The following MIB1 variants were observed in gnomAD, a reference collection of about 807,000 sequenced individuals.
The protein encoded by MIB1 is MIB E3 ubiquitin protein ligase 1, also known as E3 ubiquitin-protein ligase MIB1.
Under a neutral mutation model 124.5 loss-of-function variants are expected in MIB1, and 278 were observed. The observed-to-expected ratio is 2.23, with a 90% confidence interval of 2.02 to 2.47. The LOEUF (loss-of-function observed/expected upper bound fraction) is 2.47, where lower values mean the gene tolerates loss of function less well. Ranked by LOEUF, MIB1 falls within the 30% of genes most tolerant of loss-of-function variation. The pLI, the probability that MIB1 is intolerant of heterozygous loss-of-function variation, is 0.00. For missense variants in MIB1, 957 were observed against 1,254.4 expected (o/e 0.76, Z 3.58); for synonymous variants, 446 against 429.4 (o/e 1.04, Z -0.48).
chr18:21,713,151 T>C (rs991592648), intron 1 of MIB1, among the ~76,000 whole-genome samples: 2 of 152,052 alleles, frequency 1.3e-5, no homozygotes, highest in African/African-American at 4.8e-5. Flanking sequence ...TTTGTTTTCA[T>C]AGAGACAGGG....
chr18:21,841,963 C>T (rs935556898), intron 13 of MIB1, among the ~76,000 whole-genome samples: 2 of 151,572 alleles, frequency 1.3e-5, no homozygotes, highest in Non-Finnish European at 2.9e-5. Flanking sequence ...GAGAAATAGA[C>T]ATGATAAAGA....
chr18:21,775,490 C>T (rs1343717909), intron 4 of MIB1, among the ~76,000 whole-genome samples: 1 of 152,204 alleles, frequency 6.6e-6, no homozygotes, highest in South Asian at 2.1e-4. Context: ...CGATCCCCCA[C>T]CTTGGCCTTC....
intron 1 of MIB1, among the ~76,000 whole-genome samples, chr18:21,719,203 A>AG (rs1398229810): frequency 6.6e-6 from 1 of 151,736 alleles, no homozygotes; most frequent in Non-Finnish European, 1.5e-5. Context: ...AAAAAAAAAA[A>AG]ATTTAGCCAG....
chr18:21,788,673 A>C (rs908339946), intron 6 of MIB1, among the ~76,000 whole-genome samples: 1 of 152,206 alleles, frequency 6.6e-6, no homozygotes, highest in African/African-American at 2.4e-5. Flanking sequence ...AGAAGATGTG[A>C]AACTAACTTT....
intron 1 of MIB1, among the ~76,000 whole-genome samples, chr18:21,715,206 C>T (rs1598578301): frequency 6.6e-6 from 1 of 152,280 alleles, no homozygotes; most frequent in East Asian, 1.9e-4. Context: ...CAGACAACCC[C>T]AGTACCAACT....
rs370649297 is a variant in MIB1 at position 21,815,666 on chromosome 18, C to T, written c.1530C>T (p.Gly510=). The T allele has an allele frequency of 3.0e-5, 49 of 1,614,006 alleles. No individual in the cohort carries two copies. In the East Asian group the frequency reaches 4.0e-4, roughly 13 times the overall value. The change falls in exon 11 of 21, where the codon GGC becomes GGT. Residue 510 remains glycine (G), a synonymous_variant. Transcript: ENST00000261537. ...AVHHAAFGDE[G]AVIEVLHRGS... is the part of the protein sequence containing the mutation. ...ACCATGCAGCTTTTGGAGATGAAGG[C>T]GCTGTTATAGAAGTACTACATCGAG...
chr18:21,725,785 G>GGGAA (rs35808714), intron 1 of MIB1, among the ~76,000 whole-genome samples: 13,057 of 151,018 alleles, frequency 0.086, 624 homozygotes, highest in Middle Eastern at 0.14. Context: ...GAGGGAGAGA[G>GGGAA]GGAAGGAAGG....
rs1000522563 is a variant in MIB1 at position 21,762,753 on chromosome 18, T to C, written c.230-3019T>C. ...AACTTTCAAATTACTTTAGTTACTT[T>C]AGTAATATGGTATATAATTGCTATT... On this transcript the variant is annotated intron_variant, in intron 1 of 20. Coordinates refer to ENST00000261537, the MANE Select transcript of MIB1 (RefSeq NM_020774.4). Among the ~76,000 whole-genome samples the C allele has an allele frequency of 2.6e-5, 4 of 152,230 alleles. No individual in the cohort carries two copies. The South Asian group carries it at 6.2e-4, about 24-fold the overall frequency.
intron 7 of MIB1, among the ~76,000 whole-genome samples, chr18:21,792,962 C>T (rs1406020874): frequency 6.6e-6 from 1 of 152,130 alleles, no homozygotes; most frequent in Admixed American, 6.5e-5. Context: ...ACCAAAAAAG[C>T]CACAAACATC....
intron 4 of MIB1, among the ~76,000 whole-genome samples, chr18:21,776,268 C>CA (rs11298130): frequency 3.1e-5 from 4 of 130,904 alleles, no homozygotes; most frequent in African/African-American, 8.5e-5. Context: ...GACCCTGTCT[C>CA]AAAAAAAAAA....
At position 21,815,610 on chromosome 18, in the gene MIB1, G is replaced by T; in HGVS notation, c.1480-6G>T. 1 of 1,611,338 alleles carries T rather than the reference G, an allele frequency of 6.2e-7. No homozygotes were observed. Among genetic ancestry groups the T allele is most frequent in the Non-Finnish European group, 8.5e-7 (1 of 1,178,070 alleles). ...CACTAATTCACATTTCAATACTAAT[G>T]ATTAGGATAAAGATGGTGATAGAGC... is the stretch of plus-strand genomic sequence containing the variant. On this transcript the variant is annotated splice_region_variant and splice_polypyrimidine_tract_variant and intron_variant, in intron 10 of 20. Transcript: ENST00000261537.
chr18:21,816,593 T>C (rs930730758), intron 11 of MIB1, among the ~76,000 whole-genome samples: 2 of 152,214 alleles, frequency 1.3e-5, no homozygotes, highest in African/African-American at 2.4e-5. Flanking sequence ...TTTGTTTCCA[T>C]TGGAAACTCA....
At chr18:21,767,968 CGTTTGTTCTTGGCAACA>C (rs1298660180) in intron 2 of MIB1, among the ~76,000 whole-genome samples, 1 of 152,174 alleles carries the variant, frequency 6.6e-6, no homozygotes, top group Non-Finnish European at 1.5e-5. Flanking sequence ...ACTGGGCTTA[CGTTTGTTCTTGGCAACA>C]GTTTGTTGAA....
chr18:21,707,528 G>A (rs2040644822), intron 1 of MIB1, among the ~76,000 whole-genome samples: 1 of 152,172 alleles, frequency 6.6e-6, no homozygotes, highest in Admixed American at 6.5e-5. Flanking sequence ...GGTCCACGCT[G>A]TCTTTATGAG....
chr18:21,751,265 G>GTTA (rs1055842333), intron 1 of MIB1, among the ~76,000 whole-genome samples: 2 of 151,950 alleles, frequency 1.3e-5, no homozygotes, highest in Non-Finnish European at 2.9e-5. Context: ...AAACGTCACA[G>GTTA]TTATTATTAT....
At position 21,779,550 on chromosome 18, in the gene MIB1, T is replaced by TCGAAA; in HGVS notation, c.774_778dup (p.Ile260ThrfsTer22). On this transcript the variant is annotated frameshift_variant, in exon 6 of 21. Transcript: ENST00000261537. LOFTEE classifies it high-confidence loss of function. ...GACCTGGTAAATATAGATCTCGACC[T>TCGAAA]CGAAATTGTACAGTCTTTGCAGCAT... The TCGAAA allele has an allele frequency of 6.2e-7, 1 of 1,614,078 alleles. No individual in the cohort carries two copies. Among genetic ancestry groups the TCGAAA allele is most frequent in the Non-Finnish European group, 8.5e-7 (1 of 1,179,988 alleles).
chr18:21,775,513 A>T (rs936692633), intron 4 of MIB1, among the ~76,000 whole-genome samples: 1 of 152,226 alleles, frequency 6.6e-6, no homozygotes, highest in South Asian at 2.1e-4. Flanking sequence ...AAATGCTGAG[A>T]CTACTAGCAT....
Position 21,847,075 on chromosome 18 carries a change from T to C in MIB1, c.2343T>C (p.Pro781=). The C allele has an allele frequency of 6.2e-7, 1 of 1,614,216 alleles. No individual in the cohort carries two copies. Among genetic ancestry groups the C allele is most frequent in the Non-Finnish European group, 8.5e-7 (1 of 1,180,016 alleles). ...GTCAATCGCCACTTGATCTCTGTCC[T>C]GATCCGAATCTCTGCAAAGCACTGG... ...KKGQSPLDLC[P]DPNLCKALAK... is the part of the protein sequence containing the mutation. Residue 781 remains proline, a synonymous_variant, in exon 16 of 21, where the codon CCT becomes CCC. Transcript: ENST00000261537.
chr18:21,782,887 G>T (rs1483333787), intron 6 of MIB1, among the ~76,000 whole-genome samples: 1 of 152,096 alleles, frequency 6.6e-6, no homozygotes, highest in Non-Finnish European at 1.5e-5. Flanking sequence ...GTCCCCTACT[G>T]TTAAAGATAT....
Sources: gnomAD v4.1 joint callset for allele counts (sites outside exome capture counted in the v4.1 genomes callset) on GRCh38, gnomAD v4.1.1 for gene constraint, MANE v1.5 for transcripts, NCBI Gene and HGNC (gene_info 2026-07-23, HGNC 2026-07-21) for gene names.